GPR17: variants seen among roughly 807,000 people sequenced by gnomAD.
The protein encoded by GPR17 is uracil nucleotide/cysteinyl leukotriene receptor.
A neutral mutation model predicts 1.5 loss-of-function variants in GPR17; 4 were observed. The observed-to-expected ratio is 2.73, with a 90% CI of 1.35 to 6.25. The LOEUF is 6.25. GPR17 is among the 30% of genes most tolerant of loss of function. The pLI, the probability that GPR17 is intolerant of heterozygous loss-of-function variation, is 0.00. For missense variants in GPR17, 463 were observed against 462.1 expected (o/e 1.00, Z -0.02); for synonymous variants, 209 against 207.6 (o/e 1.01, Z -0.06).
rs572982811 is a variant in GPR17 at position 127,650,519 on chromosome 2, T to C, written c.-20-197T>C. 360 of 582,180 alleles carry C rather than the reference T, an allele frequency of 6.2e-4. 1 individual carries two copies. The highest frequency in any genetic ancestry group is 8.4e-4 in the Non-Finnish European group (275 of 328,782). The allele number at this position is 582,180 out of a possible 1,614,324, so 36.1% of individuals were successfully genotyped here. On this transcript the variant is annotated intron_variant, in intron 1 of 1. Coordinates refer to ENST00000486700, the MANE Select transcript of GPR17 (RefSeq NM_001161417.2). ...CCAAGCCCTGGTTCTGCGTTTGCCT[T>C]GTGCTGAAGTTCAGAATGCCTCTGA...
At position 127,647,526 on chromosome 2, in the gene GPR17, G is replaced by A. The variant is rs980915951; in HGVS notation, c.-21+1282G>A. Among the ~76,000 whole-genome samples the A allele has an allele frequency of 3.9e-5, 6 of 152,124 alleles. No homozygotes were observed. The highest frequency in any genetic ancestry group is 7.2e-5 in the African/African-American group (3 of 41,410). ...AGTCGTACCTATGAGCTGCTCTCTC[G>A]TGGGGCCAGGTGATGCCTGCACTGT... On this transcript the variant is annotated intron_variant, in intron 1 of 1. Transcript: ENST00000486700. This position sits in a 1 kb window ranked among gnomAD's most constrained non-coding sequence, Gnocchi z 4.3.
intron 1 of GPR17, chr2:127,650,311 C>G: frequency 3.5e-6 from 2 of 569,726 alleles, no homozygotes; most frequent in Non-Finnish European, 6.2e-6. Context: ...GACACACTGC[C>G]CCCGCCCCTC....
chr2:127,651,334 C>T lies in GPR17; in HGVS notation c.599C>T (p.Ala200Val). The change falls in exon 2 of 2, where the codon GCC becomes GTC. Residue 200 changes from alanine (A) to valine (V), a missense_variant. Ala to Val is a moderately conservative substitution (Grantham distance 64). Transcript: ENST00000486700. ...SHHALVSLAV[A>V]FTFPFITTVT... ...CATGCCCTGGTGTCCCTGGCAGTGG[C>T]CTTCACCTTCCCGTTCATCACCACG... 1 of 1,611,328 alleles carries T rather than the reference C, an allele frequency of 6.2e-7. No homozygotes were observed. Among genetic ancestry groups the T allele is most frequent in the Admixed American group, 1.7e-5 (1 of 60,036 alleles).
rs1558878488 is a variant in GPR17, at chr2:127,649,190, A to AGGAAGGAAGGAAGGAAGGAAGGAG, written c.-20-1504_-20-1503insAGGGAAGGAAGGAAGGAAGGAAGG. On this transcript the variant is annotated intron_variant, in intron 1 of 1. Transcript: ENST00000486700. ...TAGGAAGGAAGGAAGGAAGGAAGGA[A>AGGAAGGAAGGAAGGAAGGAAGGAG]GGAAGGAAGGAAGGAAGGAAGGGCA... Among the ~76,000 whole-genome samples, 127 of 151,430 alleles carry AGGAAGGAAGGAAGGAAGGAAGGAG rather than the reference A, an allele frequency of 8.4e-4. 1 individual carries two copies. Among genetic ancestry groups the AGGAAGGAAGGAAGGAAGGAAGGAG allele is most frequent in the African/African-American group, 2.8e-3 (116 of 41,310 alleles).
Position 127,650,713 on chromosome 2 carries a change from C to A in GPR17, c.-20-3C>A. 1 of 1,597,514 alleles carries A rather than the reference C, an allele frequency of 6.3e-7. No individual in the cohort carries two copies. On this transcript the variant is annotated splice_region_variant and splice_polypyrimidine_tract_variant and intron_variant, in intron 1 of 1. Coordinates refer to ENST00000486700, the MANE Select transcript of GPR17 (RefSeq NM_001161417.2). ...TTGTGAACTGTTTGCTTGTTCCCTC[C>A]AGGCTCTGACTCCAGCCAAAGCATG...
chr2:127,647,213 G>A lies in GPR17; in HGVS notation c.-21+969G>A, dbSNP rs1683083811. The stretch of plus-strand genomic sequence containing the variant: ...GGCTGCACATTCTCATTTCATACAT[G>A]GGCCCCTAAAATGAGGGAGTGGCCC... On this transcript the variant is annotated intron_variant, in intron 1 of 1. Coordinates refer to ENST00000486700, the MANE Select transcript of GPR17 (RefSeq NM_001161417.2). This position sits in a 1 kb window ranked among gnomAD's most constrained non-coding sequence, Gnocchi z 4.3. Among the ~76,000 whole-genome samples, 2 of 152,158 alleles carry A rather than the reference G, an allele frequency of 1.3e-5. No individual in the cohort carries two copies. The highest frequency in any genetic ancestry group is 4.1e-4 in the South Asian group (2 of 4,828).
In GPR17 at chr2:127,647,417, C is replaced by T. The variant is rs1224507444; in HGVS notation, c.-21+1173C>T. Among the ~76,000 whole-genome samples, 1 of 152,186 alleles carries T rather than the reference C, an allele frequency of 6.6e-6. No individual in the cohort carries two copies. Among genetic ancestry groups the T allele is most frequent in the Non-Finnish European group, 1.5e-5 (1 of 68,030 alleles). On this transcript the variant is annotated intron_variant, in intron 1 of 1. Coordinates refer to ENST00000486700, the MANE Select transcript of GPR17 (RefSeq NM_001161417.2). The surrounding 1 kb of genome is among the most constrained non-coding windows in gnomAD (Gnocchi z 4.3). Reference sequence around the variant, plus strand: ...CTAAGACAAGTTAGCAGACACTCAGCCTTGACTCCCTAACCTGCAACATGG... The same window carrying T: ...CTAAGACAAGTTAGCAGACACTCAGTCTTGACTCCCTAACCTGCAACATGG...
At position 127,647,954 on chromosome 2, in the gene GPR17, C is replaced by G. The variant is rs935536189; in HGVS notation, c.-21+1710C>G. The stretch of plus-strand genomic sequence containing the variant: ...GCTGTGTTCCTCCCTCCTTTTACCT[C>G]TCCTCCACAGCCCCCTTCACAGCCC... On this transcript the variant is annotated intron_variant, in intron 1 of 1. Transcript: ENST00000486700. The surrounding 1 kb of genome is among the most constrained non-coding windows in gnomAD (Gnocchi z 4.3). The G allele has an allele frequency of 1.1e-6, 1 of 920,130 alleles. No individual in the cohort carries two copies. Among genetic ancestry groups the G allele is most frequent in the African/African-American group, 1.8e-5 (1 of 56,018 alleles). 57.0% of individuals were successfully genotyped at this position (920,130 alleles called of 1,614,324 possible).
rs1289132570 is a variant in GPR17, at chr2:127,651,290, C to T, written c.555C>T (p.Tyr185=). 6.2e-7 allele frequency: 1 copy of T among 1,607,874 alleles called. No homozygotes were observed. The change falls in exon 2 of 2, where the codon TAC becomes TAT. Residue 185 remains tyrosine (Y), a synonymous_variant. Coordinates refer to ENST00000486700, the MANE Select transcript of GPR17 (RefSeq NM_001161417.2). ...ACACGGTGGTCTGCCTGCAGCTGTA[C>T]CGGGAGAAGGCCTCCCACCATGCCC... ...TNHTVVCLQL[Y]REKASHHALV... is the part of the protein sequence containing the mutation.
At chr2:127,648,034 C>T (rs1445487338) in intron 1 of GPR17, 4 of 985,772 alleles carry the variant, frequency 4.1e-6, no homozygotes, top group African/African-American at 1.7e-5. Flanking sequence ...AAGCATCACT[C>T]ACCCCGCCTT....
chr2:127,649,185 AAGGAAG>A (rs1334605694), intron 1 of GPR17, among the ~76,000 whole-genome samples: 14 of 150,798 alleles, frequency 9.3e-5, no homozygotes, highest in Admixed American at 2.0e-4. Context: ...GGAAGGAAGG[AAGGAAG>A]GAAGGAAGGA....
chr2:127,650,631 T>A (rs574404888), intron 1 of GPR17, 85 bp from the exon 2 acceptor site: 1 of 935,870 alleles, frequency 1.1e-6, no homozygotes, highest in African/African-American at 1.6e-5. Context: ...TCTGAAGGCA[T>A]TGGAGGCCTG....
intron 1 of GPR17, among the ~76,000 whole-genome samples, chr2:127,649,635 C>A (rs1166511647): frequency 6.6e-6 from 1 of 152,214 alleles, no homozygotes; most frequent in Non-Finnish European, 1.5e-5. Flanking sequence ...TGTTTGGGAC[C>A]CTCACTCTCC....
rs1366167067 is a variant in GPR17, at chr2:127,650,702, CT to C, written c.-20-12del. ...TCGCAAGCTCATTGTGAACTGTTTG[CT>C]TGTTCCCTCCAGGCTCTGACTCCAG... On this transcript the variant is annotated splice_polypyrimidine_tract_variant and intron_variant, in intron 1 of 1. Coordinates refer to ENST00000486700, the MANE Select transcript of GPR17 (RefSeq NM_001161417.2). 1.9e-6 allele frequency: 3 copies of C among 1,581,136 alleles called. No homozygotes were observed. Among genetic ancestry groups the C allele is most frequent in the African/African-American group, 2.7e-5 (2 of 73,800 alleles).
Position 127,652,123 on chromosome 2 carries a change from G to C in GPR17, c.*368G>C. On this transcript the variant is annotated 3_prime_UTR_variant, in exon 2 of 2. Transcript: ENST00000486700. The stretch of plus-strand genomic sequence containing the variant: ...GCTCATCGGCGAGGCTCAGCAGAAA[G>C]ACCCTGAAGGCAGGCTGCAAATGAC... The C allele has an allele frequency of 3.6e-6, 1 of 280,740 alleles. No homozygotes were observed. Among genetic ancestry groups the C allele is most frequent in the South Asian group, 6.8e-5 (1 of 14,786 alleles). 17.4% of individuals were successfully genotyped at this position (280,740 alleles called of 1,614,324 possible). A position where few individuals can be genotyped will look rare whatever the true frequency, so the allele number is the denominator to read the frequency against.
Position 127,651,047 on chromosome 2 carries a change from C to G in GPR17, c.312C>G (p.Cys104Trp). The G allele has an allele frequency of 6.2e-7, 1 of 1,613,738 alleles. No homozygotes were observed. The highest frequency in any genetic ancestry group is 8.5e-7 in the Non-Finnish European group (1 of 1,180,032). ...ACTGGCCATTTGGGGAAATCGCATG[C>G]CGTCTCACCGGCTTCCTCTTCTACC... is the stretch of plus-strand genomic sequence containing the variant. ...GNHWPFGEIA[C>W]RLTGFLFYLN... Residue 104 changes from cysteine (C) to tryptophan (W), a missense_variant, in exon 2 of 2, where the codon TGC becomes TGG. By Grantham distance (215) the Cys-to-Trp change is radical. Coordinates refer to ENST00000486700, the MANE Select transcript of GPR17 (RefSeq NM_001161417.2).
intron 1 of GPR17, among the ~76,000 whole-genome samples, chr2:127,648,966 G>A (rs1573781579): frequency 1.0e-4 from 2 of 19,186 alleles, no homozygotes; most frequent in Non-Finnish European, 2.3e-4. Context: ...GGAGGGGAGG[G>A]GGGGAGGGGA....
intron 1 of GPR17, among the ~76,000 whole-genome samples, chr2:127,648,518 C>T (rs1683243183): frequency 6.6e-6 from 1 of 152,154 alleles, no homozygotes; most frequent in Non-Finnish European, 1.5e-5. Context: ...GCTCCAGCCT[C>T]CTCCTCGAGG....
chr2:127,650,752 T>C lies in GPR17; in HGVS notation c.17T>C (p.Val6Ala), dbSNP rs1683663344. Residue 6 changes from valine (V) to alanine (A), a missense_variant, in exon 2 of 2, where the codon GTG (valine) becomes GCG (alanine). Val to Ala is a moderately conservative substitution (Grantham distance 64). Transcript: ENST00000486700. ...AGCCAAAGCATGAATGGCCTTGAAG[T>C]GGCTCCCCCAGGTCTGATCACCAAC... MNGLE[V>A]APPGLITNFS... is the part of the protein sequence containing the mutation. The C allele has an allele frequency of 1.2e-6, 2 of 1,612,420 alleles. No individual in the cohort carries two copies. Among genetic ancestry groups the C allele is most frequent in the Non-Finnish European group, 1.7e-6 (2 of 1,178,972 alleles).
Sources: allele counts gnomAD v4.1 joint callset (sites outside exome capture counted in the v4.1 genomes callset), GRCh38; gene constraint gnomAD v4.1.1; non-coding constraint Gnocchi (gnomAD v3.1); transcripts MANE v1.5; gene names NCBI Gene and HGNC (gene_info 2026-07-23, HGNC 2026-07-21).